Variants in RMDN2 observed in about 807,000 individuals in gnomAD.
RMDN2 encodes the protein regulator of microtubule dynamics protein 2.
In RMDN2, 61 loss-of-function variants were observed where a neutral mutation model predicts 52.8. The ratio of observed to expected loss-of-function variants is 1.16; its 90% CI spans 0.94 to 1.43. RMDN2 has a LOEUF of 1.43. Ranked by LOEUF, RMDN2 falls within the 40% of genes most tolerant of loss-of-function variation. The probability of loss-of-function intolerance (pLI) is 0.00; values close to 1 mark genes in which losing one functional copy is unlikely to be tolerated. For missense variants in RMDN2, 592 were observed against 475.3 expected (o/e 1.25, Z -2.28); for synonymous variants, 180 against 153.1 (o/e 1.18, Z -1.30).
At chr2:38,067,089 A>C in exon 11 of RMDN2, 1 of 1,169,204 alleles carries the variant, frequency 8.6e-7, no homozygotes, top group Non-Finnish European at 1.3e-6. Flanking sequence ...TGTGAAGTCA[A>C]GTATTTTTAC....
chr2:37,948,308 C>T (rs1226350148), intron 2 of RMDN2, among the ~76,000 whole-genome samples: 2 of 152,142 alleles, frequency 1.3e-5, no homozygotes, highest in African/African-American at 4.8e-5. Flanking sequence ...TCCACATGAG[C>T]AATCATGATG....
At chr2:38,015,372 C>A (rs1269463006) in intron 10 of RMDN2, among the ~76,000 whole-genome samples, 1 of 152,112 alleles carries the variant, frequency 6.6e-6, no homozygotes, top group Non-Finnish European at 1.5e-5. Flanking sequence ...CGAGACCATC[C>A]TGGCCAACAT....
At chr2:37,991,886 T>C (rs560052506) in intron 7 of RMDN2, among the ~76,000 whole-genome samples, 43 of 152,298 alleles carry the variant, frequency 2.8e-4, no homozygotes, top group African/African-American at 1.0e-3. Context: ...TATTAGTTTA[T>C]AGAAAATTAC....
chr2:38,028,354 G>C (rs1679934012), intron 10 of RMDN2, among the ~76,000 whole-genome samples: 1 of 152,142 alleles, frequency 6.6e-6, no homozygotes, highest in African/African-American at 2.4e-5. Context: ...TGACTGCATA[G>C]TACATCTAGA....
intron 2 of RMDN2, among the ~76,000 whole-genome samples, chr2:37,966,672 T>G (rs951888491): frequency 6.6e-6 from 1 of 152,040 alleles, no homozygotes. Context: ...TGCCTGGTTG[T>G]TTGTTTGTTT....
intron 10 of RMDN2, chr2:38,027,518 T>G (rs1285740450): frequency 6.6e-6 from 1 of 152,220 alleles, no homozygotes; most frequent in Non-Finnish European, 1.5e-5. Flanking sequence ...AGTATTACAT[T>G]TCTTTTTAAA....
downstream of RMDN2, among the ~76,000 whole-genome samples, chr2:38,020,305 G>T (rs1174195605): frequency 1.3e-5 from 2 of 151,426 alleles, no homozygotes; most frequent in Non-Finnish European, 2.9e-5. Context: ...GGGGTGACGG[G>T]AGACCGTGAC....
intron 8 of RMDN2, among the ~76,000 whole-genome samples, chr2:38,003,601 T>TAGATAGATAGGC (rs1399175169): frequency 8.1e-6 from 1 of 124,066 alleles, no homozygotes; most frequent in Non-Finnish European, 1.9e-5. Context: ...GATAGATAGA[T>TAGATAGATAGGC]AGGCAGACAG....
At chr2:37,927,533 T>C (rs1277290358) in intron 1 of RMDN2, among the ~76,000 whole-genome samples, 6 of 152,224 alleles carry the variant, frequency 3.9e-5, no homozygotes, top group African/African-American at 1.4e-4. Flanking sequence ...CTTCTACTTA[T>C]TTGCTTATTA....
intron 2 of RMDN2, chr2:37,952,485 T>A: frequency 2.1e-6 from 1 of 475,636 alleles, no homozygotes; most frequent in Non-Finnish European, 3.7e-6. Context: ...TCTGAGTGAC[T>A]ATTATAATAC....
At chr2:38,028,967 G>A (rs559042192) in intron 10 of RMDN2, among the ~76,000 whole-genome samples, 1 of 152,074 alleles carries the variant, frequency 6.6e-6, no homozygotes, top group Admixed American at 6.6e-5. Flanking sequence ...ACTTTCCTGA[G>A]GCTGCAGCTG....
intron 2 of RMDN2, among the ~76,000 whole-genome samples, chr2:37,931,073 C>A (rs1462922096): frequency 7.5e-6 from 1 of 133,914 alleles, no homozygotes; most frequent in Non-Finnish European, 1.5e-5. Context: ...ATTTTAGATT[C>A]CTTCTGAATA....
At chr2:38,062,380 A>G (rs909074557) in intron 10 of RMDN2, among the ~76,000 whole-genome samples, 2 of 152,144 alleles carry the variant, frequency 1.3e-5, no homozygotes, top group Non-Finnish European at 2.9e-5. Flanking sequence ...AGATTCATTC[A>G]AGTTGTTGTG....
chr2:38,043,252 C>A (rs1681075373), intron 10 of RMDN2, among the ~76,000 whole-genome samples: 1 of 152,156 alleles, frequency 6.6e-6, no homozygotes, highest in African/African-American at 2.4e-5. Context: ...GTGACCATCT[C>A]TGTGTCTCTG....
In RMDN2 at chr2:37,947,177, G is replaced by A. The variant is rs552278090; in HGVS notation, c.452+17448G>A. 6.6e-5 allele frequency among the ~76,000 whole-genome samples: 10 copies of A among 152,150 alleles called. No homozygotes were observed. In the South Asian group the frequency reaches 2.1e-3, roughly 31 times the overall value. On this transcript the variant is annotated intron_variant, in intron 2 of 10. Transcript: ENST00000354545. ...TAGTGTACATTGTACCTGTTAGGTA[G>A]TTTCTCATCCCTCACCTCCTCCCAC...
intron 10 of RMDN2, among the ~76,000 whole-genome samples, chr2:38,043,471 G>T (rs889336088): frequency 6.6e-6 from 1 of 152,004 alleles, no homozygotes. Flanking sequence ...TGTCTACTAC[G>T]TCATTCACAT....
intron 1 of RMDN2, among the ~76,000 whole-genome samples, chr2:37,926,374 T>C (rs1186941778): frequency 6.6e-6 from 1 of 152,068 alleles, no homozygotes; most frequent in Non-Finnish European, 1.5e-5. Context: ...TTCTATTTTC[T>C]TTAGAGTCAA....
intron 10 of RMDN2, among the ~76,000 whole-genome samples, chr2:38,005,902 G>C (rs1410564501): frequency 1.3e-5 from 2 of 152,192 alleles, no homozygotes; most frequent in African/African-American, 2.4e-5. Flanking sequence ...AAGGGATCCA[G>C]TTTCAGCTTT....
At chr2:38,003,170 G>A (rs541353129) in intron 8 of RMDN2, 1 of 152,184 alleles carries the variant, frequency 6.6e-6, no homozygotes, top group African/African-American at 2.4e-5. Flanking sequence ...AACTCCTGTG[G>A]AATATGTTGA....
Sources: allele counts gnomAD v4.1 joint callset (sites outside exome capture counted in the v4.1 genomes callset), GRCh38; gene constraint gnomAD v4.1.1; transcripts MANE v1.5; gene names NCBI Gene and HGNC (gene_info 2026-07-23, HGNC 2026-07-21).